ZFHX4: variants seen among roughly 807,000 people sequenced by gnomAD.
ZFHX4 encodes zinc finger homeobox protein 4.
Under a neutral mutation model 267.6 loss-of-function variants are expected in ZFHX4, and 56 were observed. The ratio of observed to expected loss-of-function variants is 0.21; its 90% confidence interval spans 0.17 to 0.26. The LOEUF is 0.26. ZFHX4 is among the 10% of genes least tolerant of loss of function. ZFHX4 has a pLI of 1.00. For missense variants in ZFHX4, 4,332 were observed against 4,420.0 expected (o/e 0.98, Z 0.56); for synonymous variants, 1,778 against 1,665.6 (o/e 1.07, Z -1.64).
At chr8:76,725,315 CT>C (rs1808824088) in intron 3 of ZFHX4, among the ~76,000 whole-genome samples, 1 of 152,066 alleles carries the variant, frequency 6.6e-6, no homozygotes, top group South Asian at 2.1e-4. Context: ...AAAACTGAAT[CT>C]TTGTGTATTT....
chr8:76,834,659 TA>T (rs1269674200), intron 5 of ZFHX4, among the ~76,000 whole-genome samples: 1 of 152,108 alleles, frequency 6.6e-6, no homozygotes, highest in Non-Finnish European at 1.5e-5. Flanking sequence ...CTTTATCAGA[TA>T]TGTATTTTCC....
intron 4 of ZFHX4, among the ~76,000 whole-genome samples, chr8:76,790,579 A>G (rs1323194761): frequency 6.6e-6 from 1 of 152,188 alleles, no homozygotes; most frequent in Non-Finnish European, 1.5e-5. Flanking sequence ...CTTGAGATAA[A>G]ACTTTGATTA....
intron 4 of ZFHX4, among the ~76,000 whole-genome samples, chr8:76,815,797 G>A (rs1470490013): frequency 2.0e-5 from 3 of 152,074 alleles, no homozygotes; most frequent in African/African-American, 4.8e-5. Flanking sequence ...CACTGCATCT[G>A]GCCTGCAATT....
chr8:76,803,753 A>G (rs920956197), intron 4 of ZFHX4, among the ~76,000 whole-genome samples: 1 of 152,162 alleles, frequency 6.6e-6, no homozygotes, highest in Non-Finnish European at 1.5e-5. Context: ...ACAAATACTC[A>G]TTCAACATCA....
chr8:76,747,025 T>C (rs1310394276), intron 3 of ZFHX4, among the ~76,000 whole-genome samples: 2 of 152,230 alleles, frequency 1.3e-5, no homozygotes, highest in Admixed American at 1.3e-4. Flanking sequence ...ACAAAATCTT[T>C]TGAAAACTTC....
chr8:76,689,454 C>T (rs1807771863), intron 1 of ZFHX4, among the ~76,000 whole-genome samples: 1 of 152,098 alleles, frequency 6.6e-6, no homozygotes, highest in Non-Finnish European at 1.5e-5. Flanking sequence ...AACAGATGGA[C>T]ACATGTGAGA....
intron 4 of ZFHX4, among the ~76,000 whole-genome samples, chr8:76,827,970 A>C (rs1364970674): frequency 6.6e-6 from 1 of 152,208 alleles, no homozygotes; most frequent in Non-Finnish European, 1.5e-5. Flanking sequence ...ACAGGTCAAC[A>C]AAGATGATGT....
At chr8:76,737,380 G>A (rs981273633) in intron 3 of ZFHX4, among the ~76,000 whole-genome samples, 2 of 152,116 alleles carry the variant, frequency 1.3e-5, no homozygotes, top group African/African-American at 4.8e-5. Flanking sequence ...TATTCTGATG[G>A]ATTATTTCAC....
At chr8:76,783,307 T>A (rs1189494405) in intron 4 of ZFHX4, among the ~76,000 whole-genome samples, 1 of 152,012 alleles carries the variant, frequency 6.6e-6, no homozygotes, top group Non-Finnish European at 1.5e-5. Context: ...CTTGACGTGT[T>A]GTTGCATGAT....
At chr8:76,859,453 A>C (rs371541565) in intron 10 of ZFHX4, among the ~76,000 whole-genome samples, 1 of 152,028 alleles carries the variant, frequency 6.6e-6, no homozygotes, top group Non-Finnish European at 1.5e-5. Flanking sequence ...TATACCTGGA[A>C]AAATTAGAAA....
chr8:76,682,022 G>T lies in ZFHX4; in HGVS notation c.-47+402G>T, dbSNP rs1232485141. ...TTTCTCTCCTTTTCCCTGTCTTTTC[G>T]GGTTTTGCCTTCCCCGCGAGCCCCG... On this transcript the variant is annotated intron_variant, in intron 1 of 10. Coordinates refer to ENST00000651372, the MANE Select transcript of ZFHX4 (RefSeq NM_024721.5). Among the ~76,000 whole-genome samples the T allele has an allele frequency of 3.9e-5, 6 of 152,206 alleles. No individual in the cohort carries two copies. In the East Asian group the frequency reaches 9.7e-4, roughly 25 times the overall value.
chr8:76,818,668 T>C (rs1206491756), intron 4 of ZFHX4, among the ~76,000 whole-genome samples: 2 of 151,842 alleles, frequency 1.3e-5, no homozygotes, highest in East Asian at 3.9e-4. Context: ...TGCCAGCACT[T>C]TGGGAGGCCG....
intron 4 of ZFHX4, among the ~76,000 whole-genome samples, chr8:76,829,332 G>T (rs894369508): frequency 2.6e-5 from 4 of 151,938 alleles, no homozygotes; most frequent in Non-Finnish European, 5.9e-5. Context: ...GATGATTTTT[G>T]AACTGAGATT....
In ZFHX4 at chr8:76,850,820, A is replaced by G. The variant is rs943427017; in HGVS notation, c.3965-66A>G. 1.9e-5 allele frequency: 26 copies of G among 1,391,136 alleles called. No homozygotes were observed. In the African/African-American group the frequency reaches 3.7e-4, roughly 20 times the overall value. The allele number at this position is 1,391,136 out of a possible 1,614,324, so 86.2% of individuals were successfully genotyped here. On this transcript the variant is annotated intron_variant, in intron 9 of 10. Transcript: ENST00000651372. Reference sequence around the variant, plus strand: ...GCCTTTAGAGGCTACTATTTATAATATTAATTAATATTTAAGGAGTAGGTT... The same window carrying G: ...GCCTTTAGAGGCTACTATTTATAATGTTAATTAATATTTAAGGAGTAGGTT...
chr8:76,744,166 C>T (rs913818189), intron 3 of ZFHX4, among the ~76,000 whole-genome samples: 3 of 151,784 alleles, frequency 2.0e-5, no homozygotes, highest in South Asian at 2.1e-4. Flanking sequence ...ACCAATATGG[C>T]GAAACCCTGT....
chr8:76,841,014 T>C (rs943105937), intron 5 of ZFHX4, among the ~76,000 whole-genome samples: 18 of 152,122 alleles, frequency 1.2e-4, no homozygotes, highest in Non-Finnish European at 1.5e-4. Flanking sequence ...AATTTCTGAG[T>C]GTATTTGCCT....
intron 1 of ZFHX4, among the ~76,000 whole-genome samples, chr8:76,682,017 T>C (rs1379614529): frequency 6.6e-6 from 1 of 152,166 alleles, no homozygotes; most frequent in East Asian, 1.9e-4. Flanking sequence ...TTTCCCTGTC[T>C]TTTCGGGTTT....
chr8:76,757,605 A>G (rs1198362679), intron 3 of ZFHX4, among the ~76,000 whole-genome samples: 1 of 152,190 alleles, frequency 6.6e-6, no homozygotes, highest in Non-Finnish European at 1.5e-5. Flanking sequence ...ATGGTCTCCC[A>G]CACCCCAACC....
chr8:76,824,800 G>A (rs1450611338), intron 4 of ZFHX4, among the ~76,000 whole-genome samples: 3 of 151,942 alleles, frequency 2.0e-5, no homozygotes, highest in East Asian at 1.9e-4. Flanking sequence ...CTCGAACTCC[G>A]GCTCAGGTGA....
Sources: gnomAD v4.1 joint callset for allele counts (sites outside exome capture counted in the v4.1 genomes callset) on GRCh38, gnomAD v4.1.1 for gene constraint, MANE v1.5 for transcripts, NCBI Gene and HGNC (gene_info 2026-07-23, HGNC 2026-07-21) for gene names.